Variants in ITFG1 observed in about 807,000 individuals in gnomAD.
ITFG1 encodes integrin alpha FG-GAP repeat containing 1, also known as T-cell immunomodulatory protein.
Under a neutral mutation model 81.8 loss-of-function variants are expected in ITFG1, and 34 were observed. The observed-to-expected ratio is 0.42, with a 90% CI of 0.32 to 0.55. ITFG1 has a LOEUF of 0.55. ITFG1 is among the 20% of genes least tolerant of loss of function. The pLI is 0.17. For synonymous variants in ITFG1, 285 were observed against 270.6 expected (o/e 1.05, Z -0.52); for missense variants, 672 against 755.4 (o/e 0.89, Z 1.29).
At chr16:47,222,579 A>T (rs1472754015) in intron 13 of ITFG1, among the ~76,000 whole-genome samples, 1 of 151,960 alleles carries the variant, frequency 6.6e-6, no homozygotes, top group Non-Finnish European at 1.5e-5. Context: ...AGGCCCGGCT[A>T]ATTTTTTATA....
At chr16:47,288,520 C>A (rs1966878949) in intron 10 of ITFG1, among the ~76,000 whole-genome samples, 1 of 152,108 alleles carries the variant, frequency 6.6e-6, no homozygotes, top group Non-Finnish European at 1.5e-5. Flanking sequence ...AACCTCCACC[C>A]TGTTTTCCGT....
chr16:47,226,370 C>T (rs1205662608), intron 13 of ITFG1, among the ~76,000 whole-genome samples: 4 of 152,086 alleles, frequency 2.6e-5, no homozygotes, highest in Admixed American at 6.5e-5. Flanking sequence ...CCACCACACC[C>T]GGTTAATTTT....
intron 10 of ITFG1, among the ~76,000 whole-genome samples, chr16:47,277,008 C>G (rs1966404578): frequency 6.6e-6 from 1 of 152,072 alleles, no homozygotes; most frequent in Admixed American, 6.6e-5. Flanking sequence ...AACAAAATAA[C>G]CTGTATTCAT....
intron 10 of ITFG1, among the ~76,000 whole-genome samples, chr16:47,287,241 T>C (rs1378280440): frequency 6.6e-6 from 1 of 152,110 alleles, no homozygotes; most frequent in Non-Finnish European, 1.5e-5. Context: ...TATATATATT[T>C]ACATATAATT....
chr16:47,214,615 A>G (rs1260209523), intron 14 of ITFG1, among the ~76,000 whole-genome samples: 1 of 152,156 alleles, frequency 6.6e-6, no homozygotes, highest in Non-Finnish European at 1.5e-5. Context: ...TTCATAATAA[A>G]TGTACTTTAT....
At chr16:47,347,549 G>A (rs1055664011) in intron 8 of ITFG1, among the ~76,000 whole-genome samples, 1 of 152,020 alleles carries the variant, frequency 6.6e-6, no homozygotes, top group African/African-American at 2.4e-5. Flanking sequence ...CAGCTGGGAA[G>A]CCCGAAATGG....
At chr16:47,359,075 A>G (rs1364153764) in intron 8 of ITFG1, among the ~76,000 whole-genome samples, 1 of 152,170 alleles carries the variant, frequency 6.6e-6, no homozygotes, top group Non-Finnish European at 1.5e-5. Context: ...CAGAGGGATA[A>G]GCAAGGGCAA....
intron 6 of ITFG1, chr16:47,426,030 C>A (rs1327029376): frequency 6.6e-6 from 1 of 152,056 alleles, no homozygotes; most frequent in Non-Finnish European, 1.5e-5. Context: ...TGAGTCCTTT[C>A]TCTTTTTTAT....
chr16:47,341,927 CA>C (rs1038201068), intron 8 of ITFG1, among the ~76,000 whole-genome samples: 1 of 152,114 alleles, frequency 6.6e-6, no homozygotes, highest in African/African-American at 2.4e-5. Context: ...AACCATGAAT[CA>C]AAAATTTCCC....
Position 47,460,979 on chromosome 16 carries a change from G to C in ITFG1, c.67C>G (p.Leu23Val), listed in dbSNP as rs762393303. 1.9e-5 allele frequency: 31 copies of C among 1,595,140 alleles called. No individual in the cohort carries two copies. Among genetic ancestry groups the C allele is most frequent in the Non-Finnish European group, 2.6e-5 (31 of 1,171,046 alleles). ...GCTGGGACCGGCCCGACTCCCAGTA[G>C]TGCAAGCCCTGCGAGGAGCGGCGAG... ...LFSPLLAGLA[L>V]LGVGPVPARA... is the part of the protein sequence containing the mutation. The change falls in exon 1 of 18, where the codon CTA (leucine) becomes GTA (valine). Residue 23 changes from leucine to valine, a missense_variant. Physicochemically the swap from Leu to Val is conservative, Grantham distance 32 (BLOSUM62 1). This residue lies in a region of ITFG1 where 560 missense variants were observed against 625.7 expected (regional missense o/e 0.90). Transcript: ENST00000320640.
chr16:47,339,466 C>T (rs1967752052), intron 8 of ITFG1, among the ~76,000 whole-genome samples: 4 of 152,006 alleles, frequency 2.6e-5, no homozygotes, highest in Admixed American at 2.6e-4. Flanking sequence ...AAAATATAGG[C>T]AAGTAGCTAA....
chr16:47,433,770 A>AATATATATATATGTAT (rs1491316336), intron 5 of ITFG1, among the ~76,000 whole-genome samples: 15 of 124,510 alleles, frequency 1.2e-4, no homozygotes, highest in African/African-American at 4.9e-4. Flanking sequence ...ATAAAAACTG[A>AATATATATATATGTAT]ATATATATAT....
chr16:47,261,254 A>T (rs1414820427), intron 10 of ITFG1, among the ~76,000 whole-genome samples: 1 of 152,226 alleles, frequency 6.6e-6, no homozygotes, highest in Non-Finnish European at 1.5e-5. Flanking sequence ...CTGGAGCTAG[A>T]TTACCTAGAT....
chr16:47,384,463 G>T (rs1342076805), intron 6 of ITFG1, among the ~76,000 whole-genome samples: 1 of 152,016 alleles, frequency 6.6e-6, no homozygotes, highest in Non-Finnish European at 1.5e-5. Context: ...CACCAGAGAG[G>T]CATTTTCTGC....
chr16:47,215,284 T>C (rs1965611771), intron 14 of ITFG1, among the ~76,000 whole-genome samples: 1 of 152,176 alleles, frequency 6.6e-6, no homozygotes, highest in South Asian at 2.1e-4. Flanking sequence ...TGCTTAACAT[T>C]TAAACTGGGA....
chr16:47,304,775 C>CA (rs374363089), intron 10 of ITFG1, among the ~76,000 whole-genome samples: 3 of 151,564 alleles, frequency 2.0e-5, no homozygotes, highest in African/African-American at 4.8e-5. Context: ...TAAGATTTAC[C>CA]AAAAAAAAGT....
intron 8 of ITFG1, among the ~76,000 whole-genome samples, chr16:47,358,922 G>A (rs1028615847): frequency 2.0e-5 from 3 of 152,126 alleles, no homozygotes; most frequent in Admixed American, 2.0e-4. Flanking sequence ...CTGCAATGGA[G>A]AAAAATAAAG....
In ITFG1 at chr16:47,244,591, T is replaced by TTGTGTGTG. The variant is rs57470225; in HGVS notation, c.1331-6591_1331-6584dup. Reference sequence around the variant, plus strand: ...GCATAATTGCATGGTATTCCATCTTTTGTGTGTGTGTGTGTGTGTGTGTGT... The same window carrying TTGTGTGTG: ...GCATAATTGCATGGTATTCCATCTTTTGTGTGTGTGTGTGTGTGTGTGTGTGTGTGTGT... On this transcript the variant is annotated intron_variant, in intron 12 of 17. Coordinates refer to ENST00000320640, the MANE Select transcript of ITFG1 (RefSeq NM_030790.5). Among the ~76,000 whole-genome samples, 43 of 118,224 alleles carry TTGTGTGTG rather than the reference T, an allele frequency of 3.6e-4. 1 individual carries two copies. The highest frequency in any genetic ancestry group is 1.3e-3 in the African/African-American group (41 of 30,728). The allele number at this position is 118,224 out of a possible 152,430, so 77.6% of individuals were successfully genotyped here. A position where few individuals can be genotyped will look rare whatever the true frequency, so the allele number is the denominator to read the frequency against.
chr16:47,343,554 T>G lies in ITFG1; in HGVS notation c.802+22234A>C, dbSNP rs187643269. Among the ~76,000 whole-genome samples the G allele has an allele frequency of 3.7e-3, 564 of 151,936 alleles. 5 individuals are homozygous for G. Among genetic ancestry groups the G allele is most frequent in the African/African-American group, 0.013 (551 of 41,484 alleles). ...TAAAAAATAGGTAAAGAACTTGAAT[T>G]AACAATTATCCAAAGAAGATATAAA... On this transcript the variant is annotated intron_variant, in intron 8 of 17. Transcript: ENST00000320640.
Sources: allele counts gnomAD v4.1 joint callset (sites outside exome capture counted in the v4.1 genomes callset), GRCh38; gene constraint gnomAD v4.1.1; regional missense constraint gnomAD v4.1.1; transcripts MANE v1.5; gene names NCBI Gene and HGNC (gene_info 2026-07-23, HGNC 2026-07-21).